CHD7: variants seen among roughly 807,000 people sequenced by gnomAD.
CHD7 encodes chromodomain helicase DNA binding protein 7, also known as ATP-dependent chromatin remodeler CHD7.
Under a neutral mutation model 307.3 loss-of-function variants are expected in CHD7, and 24 were observed. The ratio of observed to expected loss-of-function variants is 0.08; its 90% CI spans 0.06 to 0.11. CHD7 has a LOEUF of 0.11. Among genes scored for constraint, CHD7 ranks in the 10% least tolerant of loss-of-function variants. The probability of loss-of-function intolerance (pLI) is 1.00; values close to 1 mark genes in which losing one functional copy is unlikely to be tolerated. For synonymous variants in CHD7, 1,363 were observed against 1,349.9 expected, an observed-to-expected ratio of 1.01 and a Z score of -0.21; for missense variants, 3,106 against 3,727.1, an observed-to-expected ratio of 0.83 and a Z score of 4.34.
At chr8:60,843,741 G>C (rs1169116984) in intron 21 of CHD7, among the ~76,000 whole-genome samples, 1 of 152,244 alleles carries the variant, frequency 6.6e-6, no homozygotes, top group African/African-American at 2.4e-5. Flanking sequence ...TCCACAAAAG[G>C]TGGCATGTAC....
chr8:60,828,939 C>T, intron 14 of CHD7, 133 bp downstream of exon 14: 1 of 761,576 alleles, frequency 1.3e-6, no homozygotes, highest in Non-Finnish European at 2.1e-6. Flanking sequence ...CCTTAGATAC[C>T]CTTTCCTTGG....
chr8:60,771,868 A>G (rs1256192231), intron 2 of CHD7, among the ~76,000 whole-genome samples: 1 of 152,222 alleles, frequency 6.6e-6, no homozygotes, highest in African/African-American at 2.4e-5. Flanking sequence ...CCCACCCTCA[A>G]GAAGGGTCCC....
rs1455036121 is a variant in CHD7 at position 60,865,904 on chromosome 8, G to A, written c.8965G>A (p.Glu2989Lys). Residue 2989 changes from glutamate (E) to lysine (K), a missense_variant, in exon 38 of 38, where the codon GAA (glutamate) becomes AAA (lysine). Physicochemically the swap from Glu to Lys is moderately conservative, Grantham distance 56. This residue lies in a region of CHD7 where 351 missense variants were observed against 366.2 expected (regional missense o/e 0.96). Transcript: ENST00000423902. This position sits in a 1 kb window ranked among gnomAD's most constrained non-coding sequence, Gnocchi z 4.3. Reference sequence around the variant, plus strand: ...GCTAGACTCACTTGATGGGGGGGATGAAATAGAAAACAATGAAAATGATGA... The same window carrying A: ...GCTAGACTCACTTGATGGGGGGGATAAAATAGAAAACAATGAAAATGATGA... The part of the protein sequence containing the change: ...EELDSLDGGD[E>K]IENNENDE The A allele has an allele frequency of 5.6e-6, 9 of 1,607,260 alleles. No individual in the cohort carries two copies. Among genetic ancestry groups the A allele is most frequent in the Non-Finnish European group, 7.6e-6 (9 of 1,176,732 alleles).
intron 31 of CHD7, 54 bp from the exon 32 acceptor site, chr8:60,854,309 T>C (rs1357444580): frequency 2.6e-6 from 4 of 1,533,740 alleles, no homozygotes; most frequent in Non-Finnish European, 3.6e-6. Flanking sequence ...CTTTCTAAAC[T>C]TCAGTTTCCC....
intron 1 of CHD7, among the ~76,000 whole-genome samples, chr8:60,681,669 G>A (rs772658833): frequency 2.0e-5 from 3 of 152,100 alleles, no homozygotes; most frequent in Non-Finnish European, 4.4e-5. Context: ...CTCTTTTTTG[G>A]TAATCTGCTG....
intron 3 of CHD7, among the ~76,000 whole-genome samples, chr8:60,785,190 A>G (rs1015524169): frequency 2.0e-5 from 3 of 152,164 alleles, no homozygotes; most frequent in Non-Finnish European, 4.4e-5. Context: ...TTAATGGTCC[A>G]TTTAGCTATA....
chr8:60,772,474 G>T (rs1810757263), intron 2 of CHD7, among the ~76,000 whole-genome samples: 1 of 152,172 alleles, frequency 6.6e-6, no homozygotes, highest in South Asian at 2.1e-4. Flanking sequence ...GATTAAACAT[G>T]CAAAGCGTTT....
intron 7 of CHD7, among the ~76,000 whole-genome samples, chr8:60,811,203 A>G (rs572846074): frequency 1.3e-5 from 2 of 152,064 alleles, no homozygotes; most frequent in South Asian, 4.1e-4. Flanking sequence ...TTGTATTTGT[A>G]TTCCCTTTTA....
At chr8:60,716,513 G>C (rs1807608271) in intron 1 of CHD7, among the ~76,000 whole-genome samples, 1 of 152,176 alleles carries the variant, frequency 6.6e-6, no homozygotes, top group South Asian at 2.1e-4. Context: ...GCCTCGTAGG[G>C]CCTGCTGGGC....
intron 19 of CHD7, among the ~76,000 whole-genome samples, chr8:60,841,124 A>G (rs997883297): frequency 6.6e-6 from 1 of 152,164 alleles, no homozygotes; most frequent in African/African-American, 2.4e-5. Flanking sequence ...GATAGAGTTC[A>G]AACTCTGTTA....
chr8:60,693,831 C>T (rs1335285505), intron 1 of CHD7, among the ~76,000 whole-genome samples: 2 of 152,260 alleles, frequency 1.3e-5, no homozygotes, highest in East Asian at 3.8e-4. Context: ...CAACTAGCAG[C>T]TGAAGGCCTT....
In CHD7 at chr8:60,836,845, G is replaced by A. The variant is rs1563644077; in HGVS notation, c.4018G>A (p.Val1340Ile). 6.2e-7 allele frequency: 1 copy of A among 1,613,918 alleles called. No individual in the cohort carries two copies. The highest frequency in any genetic ancestry group is 2.2e-5 in the East Asian group (1 of 44,880). ...RYPYERIDGR[V>I]RGNLRQAAID... ...CCCATATGAAAGGATCGACGGCCGA[G>A]TAAGAGGCAACCTCCGCCAGGCAGC... The change falls in exon 17 of 38, where the codon GTA (valine) becomes ATA (isoleucine). Residue 1340 changes from valine to isoleucine, a missense_variant. Coordinates refer to ENST00000423902, the MANE Select transcript of CHD7 (RefSeq NM_017780.4).
At position 60,856,469 on chromosome 8, in the gene CHD7, C is replaced by A. The variant is rs1205123983; in HGVS notation, c.7189C>A (p.Pro2397Thr). The change falls in exon 34 of 38, where the codon CCT (proline) becomes ACT (threonine). Residue 2397 changes from proline (P) to threonine (T), a missense_variant. Transcript: ENST00000423902. ...SKEDALNLSV[P>T]RQRRRRRRKI... ...GGAAGATGCCCTCAACCTCTCTGTC[C>A]CTCGCCAGCGGAGGAGGAGGAGGAG... 6.2e-7 allele frequency: 1 copy of A among 1,612,814 alleles called. No individual in the cohort carries two copies. Among genetic ancestry groups the A allele is most frequent in the African/African-American group, 1.3e-5 (1 of 74,876 alleles).
At chr8:60,695,167 C>T (rs1806408030) in intron 1 of CHD7, among the ~76,000 whole-genome samples, 1 of 151,832 alleles carries the variant, frequency 6.6e-6, no homozygotes, top group African/African-American at 2.4e-5. Flanking sequence ...TAGATTTGAT[C>T]CAAAATAGAA....
chr8:60,797,960 G>A (rs1265356945), intron 4 of CHD7, among the ~76,000 whole-genome samples: 1 of 152,130 alleles, frequency 6.6e-6, no homozygotes, highest in African/African-American at 2.4e-5. Context: ...TATGTACCAT[G>A]TACTGTTCTA....
At chr8:60,800,567 A>ATGGATT in intron 5 of CHD7, 42 bp downstream of exon 5, 1 of 1,551,828 alleles carries the variant, frequency 6.4e-7, no homozygotes, top group Admixed American at 1.9e-5. Flanking sequence ...CATTTTAAAG[A>ATGGATT]TGGACTAGAA....
chr8:60,778,080 A>G (rs1259725152), intron 2 of CHD7, among the ~76,000 whole-genome samples: 1 of 114,002 alleles, frequency 8.8e-6, no homozygotes, highest in Non-Finnish European at 1.7e-5. Context: ...AGACTGTACC[A>G]TGCATCTGGT....
At chr8:60,843,463 CT>C (rs1047076472) in intron 21 of CHD7, among the ~76,000 whole-genome samples, 8 of 152,218 alleles carry the variant, frequency 5.3e-5, no homozygotes, top group Admixed American at 1.3e-4. Flanking sequence ...CAGTCGAGCC[CT>C]TCCCTCTTCC....
intron 15 of CHD7, among the ~76,000 whole-genome samples, chr8:60,835,070 T>A (rs892791725): frequency 1.3e-5 from 2 of 152,234 alleles, no homozygotes; most frequent in Non-Finnish European, 2.9e-5. Context: ...TGAAGAATAG[T>A]TGAGCACATC....
Sources: gnomAD v4.1 joint callset for allele counts (sites outside exome capture counted in the v4.1 genomes callset) on GRCh38, gnomAD v4.1.1 for gene constraint, gnomAD v4.1.1 regional missense constraint, Gnocchi (gnomAD v3.1) non-coding constraint, MANE v1.5 for transcripts, NCBI Gene and HGNC (gene_info 2026-07-23, HGNC 2026-07-21) for gene names.